Variants in PAGE1 observed in about 807,000 individuals in gnomAD.
PAGE1 encodes the protein PAGE family member 1.
In PAGE1, 6 loss-of-function variants were observed where a neutral mutation model predicts 11.5. The ratio of observed to expected loss-of-function variants is 0.52; its 90% CI spans 0.29 to 1.03. PAGE1 has a LOEUF of 1.03. Among genes scored for constraint, PAGE1 ranks in the 50% least tolerant of loss-of-function variants. PAGE1 has a pLI of 0.09. For synonymous variants in PAGE1, 42 were observed against 40.2 expected, an observed-to-expected ratio of 1.05 and a Z score of -0.17; for missense variants, 120 against 110.2, an observed-to-expected ratio of 1.09 and a Z score of -0.40.
chrX:49,695,111 T>A (rs1373954703), intron 1 of PAGE1, among the ~76,000 whole-genome samples: 2 of 112,932 alleles, frequency 1.8e-5, no homozygotes, highest in East Asian at 5.6e-4. Context: ...GCTCACGCGA[T>A]CCTCCTGCCT....
In PAGE1 at chrX:49,689,619, CAT is replaced by C. The variant is rs1243741873; in HGVS notation, c.293-78_293-77del. 45 of 65,754 alleles carry C rather than the reference CAT, an allele frequency of 6.8e-4. 1 individual carries two copies. The East Asian group carries it at 0.015, about 21-fold the overall frequency. The allele number at this position is 65,754 out of a possible 1,213,427, so 5.4% of individuals were successfully genotyped here. A position where few individuals can be genotyped will look rare whatever the true frequency, so the allele number is the denominator to read the frequency against. ...ATATATATATATATATATACATATA[CAT>C]ATATATATACATATACATATATATG... On this transcript the variant is annotated intron_variant, in intron 4 of 5. Coordinates refer to ENST00000376150, the MANE Select transcript of PAGE1 (RefSeq NM_003785.4).
chrX:49,688,047 TACTCAC>T (rs1193139829), intron 5 of PAGE1, among the ~76,000 whole-genome samples: 1 of 112,798 alleles, frequency 8.9e-6, no homozygotes, highest in Non-Finnish European at 1.9e-5. Context: ...ACAGGCATCT[TACTCAC>T]ACCCATGCTG....
chrX:49,694,209 T>G lies in PAGE1; in HGVS notation c.64-8A>C. The G allele has an allele frequency of 9.1e-7, 1 of 1,098,260 alleles. No homozygotes were observed. The highest frequency in any genetic ancestry group is 2.0e-5 in the South Asian group (1 of 50,998). The allele number at this position is 1,098,260 out of a possible 1,213,427, so 90.5% of individuals were successfully genotyped here. On this transcript the variant is annotated splice_region_variant and splice_polypyrimidine_tract_variant and intron_variant, in intron 2 of 5. Transcript: ENST00000376150. ...TTGCTCATCACTGGACTCCTTGTGG[T>G]AGGGAATATGTGTGTGAGTGTGCAA...
intron 3 of PAGE1, among the ~76,000 whole-genome samples, chrX:49,691,805 C>T (rs1416230470): frequency 1.8e-5 from 2 of 111,588 alleles, no homozygotes; most frequent in African/African-American, 3.3e-5. Context: ...AAGTGCTAAA[C>T]GTTCCGCAAA....
chrX:49,688,610 T>C (rs1357608610), intron 5 of PAGE1, among the ~76,000 whole-genome samples: 1 of 111,792 alleles, frequency 8.9e-6, no homozygotes, highest in African/African-American at 3.2e-5. Context: ...ATCCTATGCA[T>C]TCTATGCAAC....
rs1569533567 is a variant in PAGE1 at position 49,694,182 on chromosome X, G to A, written c.83C>T (p.Pro28Leu). The A allele has an allele frequency of 8.5e-7, 1 of 1,176,606 alleles. No individual in the cohort carries two copies. Among genetic ancestry groups the A allele is most frequent in the Admixed American group, 2.4e-5 (1 of 41,696 alleles). Reference sequence around the variant, plus strand: ...TTGAGTTGGTGATTCCACTTCGTCAGGTTGCTCATCACTGGACTCCTTGTG... The same window carrying A: ...TTGAGTTGGTGATTCCACTTCGTCAAGTTGCTCATCACTGGACTCCTTGTG... Reference protein sequence around the residue: ...ESSEESSDEQPDEVESPTQSQ... With the variant: ...ESSEESSDEQLDEVESPTQSQ... The change falls in exon 3 of 6, where the codon CCT becomes CTT. Residue 28 changes from proline (P) to leucine (L), a missense_variant. Transcript: ENST00000376150.
At chrX:49,695,092 C>T (rs939534864) in intron 1 of PAGE1, among the ~76,000 whole-genome samples, 1 of 112,840 alleles carries the variant, frequency 8.9e-6, no homozygotes, top group Admixed American at 9.3e-5. Context: ...ACTGCAGCCT[C>T]GACCTCCCGC....
chrX:49,690,153 A>ACACATATATATGTG, intron 4 of PAGE1, among the ~76,000 whole-genome samples: 6 of 94,328 alleles, frequency 6.4e-5, no homozygotes, highest in East Asian at 3.6e-4. Flanking sequence ...GTGTATATAT[A>ACACATATATATGTG]TAATCAATTT....
chrX:49,689,589 T>TATATATAC, intron 4 of PAGE1, 46 bp from the exon 5 acceptor site: 1 of 52,483 alleles, frequency 1.9e-5, no homozygotes, highest in East Asian at 6.6e-4. Context: ...TATATATATA[T>TATATATAC]ATATATATAT....
At chrX:49,688,457 C>T (rs187518161) in intron 5 of PAGE1, among the ~76,000 whole-genome samples, 28 of 111,068 alleles carry the variant, frequency 2.5e-4, no homozygotes, top group Middle Eastern at 4.6e-3. Flanking sequence ...ATTCAGGTCT[C>T]CACACAGAAA....
chrX:49,689,609 T>TATATATACACACAC (rs1263543030), intron 4 of PAGE1, 66 bp from the exon 5 acceptor site: 1 of 77,537 alleles, frequency 1.3e-5, no homozygotes, highest in African/African-American at 9.2e-5. Flanking sequence ...TATATATATA[T>TATATATACACACAC]ATACATATAC....
intron 4 of PAGE1, 24 bp from the exon 5 acceptor site, chrX:49,689,567 AAAAAAAAAATAT>A (rs2066897616): frequency 5.4e-6 from 1 of 184,996 alleles, no homozygotes. Context: ...AAAAAAAAAA[AAAAAAAAAATAT>A]ATATATATAT....
At chrX:49,690,478 A>G (rs1288834011) in intron 4 of PAGE1, among the ~76,000 whole-genome samples, 3 of 109,879 alleles carry the variant, frequency 2.7e-5, no homozygotes, top group Non-Finnish European at 5.7e-5. Flanking sequence ...TGGCACTTAG[A>G]CTCCTACATG....
At chrX:49,689,819 CAT>C (rs201041482) in intron 4 of PAGE1, among the ~76,000 whole-genome samples, 2 of 55,128 alleles carry the variant, frequency 3.6e-5, no homozygotes, top group Non-Finnish European at 5.6e-5. Context: ...TATATACACA[CAT>C]ATATGTGTAT....
chrX:49,687,853 T>C (rs976015361), intron 5 of PAGE1, among the ~76,000 whole-genome samples: 9 of 112,898 alleles, frequency 8.0e-5, no homozygotes, highest in Admixed American at 3.7e-4. Flanking sequence ...AAAACATACT[T>C]CGGTGGATTA....
chrX:49,689,561 AAAAAAAAAAAAAAAATATAT>A lies in PAGE1; in HGVS notation c.293-38_293-19del, dbSNP rs2066897192. The A allele has an allele frequency of 5.4e-6, 1 of 184,058 alleles. No individual in the cohort carries two copies. The highest frequency in any genetic ancestry group is 1.1e-4 in the African/African-American group (1 of 9,387). 15.2% of individuals were successfully genotyped at this position (184,058 alleles called of 1,213,427 possible). On this transcript the variant is annotated intron_variant, in intron 4 of 5. Coordinates refer to ENST00000376150, the MANE Select transcript of PAGE1 (RefSeq NM_003785.4). ...CTCTGGCCCTTAAAAAAAAAAAAAA[AAAAAAAAAAAAAAAATATAT>A]ATATATATATATATATATATATATA... is the stretch of plus-strand genomic sequence containing the variant.
intron 3 of PAGE1, among the ~76,000 whole-genome samples, chrX:49,692,978 T>C (rs1206056221): frequency 8.1e-5 from 9 of 110,739 alleles, no homozygotes; most frequent in African/African-American, 2.6e-4. Context: ...GTATAATACT[T>C]ATATTCGGCC....
chrX:49,695,815 C>T (rs1329825858), intron 1 of PAGE1, 54 bp downstream of exon 1: 5 of 112,413 alleles, frequency 4.4e-5, no homozygotes, highest in African/African-American at 6.5e-5. Flanking sequence ...CGAACCTGCC[C>T]GAAGCCCACT....
intron 4 of PAGE1, among the ~76,000 whole-genome samples, chrX:49,690,086 T>C (rs1460249360): frequency 1.8e-5 from 1 of 56,050 alleles, no homozygotes; most frequent in Non-Finnish European, 3.2e-5. Flanking sequence ...TATGTGTATA[T>C]ATGTGTATAT....
Sources: gnomAD v4.1 joint callset for allele counts (sites outside exome capture counted in the v4.1 genomes callset) on GRCh38, gnomAD v4.1.1 for gene constraint, MANE v1.5 for transcripts, NCBI Gene and HGNC (gene_info 2026-07-23, HGNC 2026-07-21) for gene names.